Variants in SPOCK1 observed in about 807,000 individuals in gnomAD.
SPOCK1 encodes the protein SPARC (osteonectin), cwcv and kazal like domains proteoglycan 1.
Under a neutral mutation model 55.3 loss-of-function variants are expected in SPOCK1, and 23 were observed. The observed-to-expected ratio is 0.42, with a 90% CI of 0.30 to 0.59. The LOEUF (loss-of-function observed/expected upper bound fraction) is 0.59, where lower values mean the gene tolerates loss of function less well. Ranked by LOEUF, SPOCK1 falls within the 20% of genes least tolerant of loss-of-function variation. The pLI is 0.22. For synonymous variants in SPOCK1, 226 were observed against 221.0 expected (o/e 1.02, Z -0.20); for missense variants, 499 against 552.5 (o/e 0.90, Z 0.97).
At chr5:137,325,425 G>C (rs905425637) in intron 2 of SPOCK1, among the ~76,000 whole-genome samples, 1 of 152,138 alleles carries the variant, frequency 6.6e-6, no homozygotes. Context: ...TCCTCATCAA[G>C]AGAGCCAGAT....
chr5:137,042,967 G>T (rs1268282712), intron 6 of SPOCK1, among the ~76,000 whole-genome samples: 1 of 152,094 alleles, frequency 6.6e-6, no homozygotes, highest in Admixed American at 6.5e-5. Context: ...CACAATGAGT[G>T]CTAGGATCTT....
intron 2 of SPOCK1, among the ~76,000 whole-genome samples, chr5:137,304,822 T>C (rs796308007): frequency 7.2e-5 from 11 of 152,306 alleles, no homozygotes; most frequent in African/African-American, 2.2e-4. Flanking sequence ...ACTTAATCTG[T>C]GTCTCAGCTT....
At chr5:137,430,925 C>T (rs116145056) in intron 2 of SPOCK1, among the ~76,000 whole-genome samples, 1,632 of 152,302 alleles carry the variant, frequency 0.011, 14 homozygotes, top group Non-Finnish European at 0.019. Flanking sequence ...CTGGCCACAG[C>T]GATGTCTGTA....
chr5:137,347,682 A>G (rs1326081621), intron 2 of SPOCK1, among the ~76,000 whole-genome samples: 1 of 152,088 alleles, frequency 6.6e-6, no homozygotes, highest in African/African-American at 2.4e-5. Context: ...GCACTGCTGC[A>G]CTCCAGTCTG....
intron 6 of SPOCK1, among the ~76,000 whole-genome samples, chr5:137,014,077 C>G (rs912459273): frequency 6.6e-6 from 1 of 152,114 alleles, no homozygotes; most frequent in African/African-American, 2.4e-5. Context: ...GGAGGTGGAT[C>G]CCTCATGGCT....
rs1464557433 is a variant in SPOCK1, at chr5:137,031,616, G to A, written c.589+36099C>T. Among the ~76,000 whole-genome samples, 4 of 152,234 alleles carry A rather than the reference G, an allele frequency of 2.6e-5. 1 individual carries two copies. Among genetic ancestry groups the A allele is most frequent in the Middle Eastern group, 6.8e-3 (2 of 294 alleles). On this transcript the variant is annotated intron_variant, in intron 6 of 10. Transcript: ENST00000394945. ...TACAGCAAGATGGGCCATGTTTTGG[G>A]TCTTGTTTCAAAGATATTCCATTTT...
At chr5:137,145,364 G>A (rs193027104) in intron 3 of SPOCK1, among the ~76,000 whole-genome samples, 3 of 152,158 alleles carry the variant, frequency 2.0e-5, no homozygotes, top group East Asian at 1.9e-4. Flanking sequence ...TCAGTTCAAC[G>A]AGTTATTTTT....
chr5:137,006,211 A>G (rs1414349920), intron 6 of SPOCK1, among the ~76,000 whole-genome samples: 2 of 152,138 alleles, frequency 1.3e-5, no homozygotes, highest in Non-Finnish European at 2.9e-5. Flanking sequence ...ACCATATGAA[A>G]TTTAAAGTAG....
intron 2 of SPOCK1, among the ~76,000 whole-genome samples, chr5:137,392,728 A>G (rs1360437897): frequency 6.6e-6 from 1 of 152,204 alleles, no homozygotes; most frequent in Non-Finnish European, 1.5e-5. Flanking sequence ...AACTCCATTA[A>G]TGAAAGCTGC....
At chr5:137,334,922 G>C (rs2127153139) in intron 2 of SPOCK1, among the ~76,000 whole-genome samples, 1 of 152,242 alleles carries the variant, frequency 6.6e-6, no homozygotes, top group East Asian at 1.9e-4. Context: ...CGTCACTAAG[G>C]GGGATACCAC....
intron 2 of SPOCK1, among the ~76,000 whole-genome samples, chr5:137,436,416 C>T (rs1752866822): frequency 6.6e-6 from 1 of 152,082 alleles, no homozygotes; most frequent in African/African-American, 2.4e-5. Flanking sequence ...ATGTACTAAA[C>T]CCTCTTTCAC....
chr5:137,193,441 C>T (rs1755228969), intron 3 of SPOCK1, among the ~76,000 whole-genome samples: 1 of 152,122 alleles, frequency 6.6e-6, no homozygotes, highest in Non-Finnish European at 1.5e-5. Flanking sequence ...GGCCCTGGAG[C>T]AGGCAGAAAG....
intron 5 of SPOCK1, among the ~76,000 whole-genome samples, chr5:137,109,193 G>A (rs1753420156): frequency 6.6e-6 from 1 of 152,226 alleles, no homozygotes; most frequent in African/African-American, 2.4e-5. Context: ...GGATCAGACA[G>A]TTTGCTCCAG....
chr5:137,114,670 G>T (rs751936177), intron 4 of SPOCK1, among the ~76,000 whole-genome samples: 1 of 152,214 alleles, frequency 6.6e-6, no homozygotes, highest in African/African-American at 2.4e-5. Context: ...TCAGCATGGG[G>T]TTAATCTTAG....
chr5:137,138,490 TACACACACAAACATAC>T (rs987614753), intron 4 of SPOCK1, among the ~76,000 whole-genome samples: 7 of 92,016 alleles, frequency 7.6e-5, no homozygotes, highest in African/African-American at 2.7e-4. Flanking sequence ...CTCTCCATCT[TACACACACAAACATAC>T]ACACACACAC....
chr5:137,202,244 G>A (rs1755440576), intron 3 of SPOCK1, among the ~76,000 whole-genome samples: 1 of 152,202 alleles, frequency 6.6e-6, no homozygotes, highest in Non-Finnish European at 1.5e-5. Context: ...ATAGAATGAT[G>A]AAAAGGAAAA....
intron 3 of SPOCK1, among the ~76,000 whole-genome samples, chr5:137,178,890 C>G (rs1468249014): frequency 2.6e-5 from 4 of 152,128 alleles, no homozygotes; most frequent in African/African-American, 9.7e-5. Context: ...GATAGTAGTA[C>G]AGCATAACCT....
chr5:137,083,051 G>A (rs1226587091), intron 5 of SPOCK1, among the ~76,000 whole-genome samples: 2 of 152,162 alleles, frequency 1.3e-5, no homozygotes, highest in Non-Finnish European at 2.9e-5. Flanking sequence ...AAGCTCTGAG[G>A]GGGGACCCTG....
intron 6 of SPOCK1, among the ~76,000 whole-genome samples, chr5:137,024,314 A>AGGCGGGGG (rs71583270): frequency 1.1e-4 from 13 of 119,244 alleles, no homozygotes; most frequent in South Asian, 3.4e-4. Context: ...ACCAGTTTGA[A>AGGCGGGGG]GGGGGGGGGG....
Sources: allele counts gnomAD v4.1 joint callset (sites outside exome capture counted in the v4.1 genomes callset), GRCh38; gene constraint gnomAD v4.1.1; transcripts MANE v1.5; gene names NCBI Gene and HGNC (gene_info 2026-07-23, HGNC 2026-07-21).